MUC22: variants seen among roughly 807,000 people sequenced by gnomAD.
MUC22 encodes the protein mucin-22.
MUC22 carries 24 observed loss-of-function variants against 40.3 expected under a neutral mutation model. The ratio of observed to expected loss-of-function variants is 0.60; its 90% CI spans 0.43 to 0.84. The LOEUF is 0.84. Among genes scored for constraint, MUC22 ranks in the 40% least tolerant of loss-of-function variants. MUC22 has a pLI of 0.00. For synonymous variants in MUC22, 765 were observed against 844.5 expected, an observed-to-expected ratio of 0.91 and a Z score of 1.63; for missense variants, 1,926 against 2,130.7, an observed-to-expected ratio of 0.90 and a Z score of 1.89.
chr6:31,026,214 C>T (rs1382359593), exon 2 of MUC22: 20 of 1,520,964 alleles, frequency 1.3e-5, no homozygotes, highest in South Asian at 9.6e-5. Context: ...CTGTGGCCCC[C>T]GCTGCAGGCT....
intron 1 of MUC22, among the ~76,000 whole-genome samples, chr6:31,023,956 T>C (rs1765072866): frequency 6.6e-6 from 1 of 152,140 alleles, no homozygotes; most frequent in African/African-American, 2.4e-5. Context: ...CAAGAGAACA[T>C]CATCAATGAT....
intron 1 of MUC22, among the ~76,000 whole-genome samples, chr6:31,021,825 C>T (rs898615656): frequency 5.3e-5 from 8 of 152,158 alleles, no homozygotes; most frequent in Admixed American, 3.9e-4. Flanking sequence ...CTGCCCGAGC[C>T]AGCAGTGGCA....
At chr6:31,027,406 T>C (rs892473779) in exon 2 of MUC22, 1 of 1,532,790 alleles carries the variant, frequency 6.5e-7, no homozygotes, top group African/African-American at 1.4e-5. Flanking sequence ...CACTACAGTT[T>C]CTATCACAGA....
chr6:31,013,417 G>A (rs1369884831), intron 1 of MUC22, among the ~76,000 whole-genome samples: 5 of 150,780 alleles, frequency 3.3e-5, no homozygotes, highest in South Asian at 2.1e-4. Flanking sequence ...GTGAGCTACC[G>A]GGCCTGGCCC....
upstream of MUC22, among the ~76,000 whole-genome samples, chr6:31,008,283 A>G (rs2150734301): frequency 6.6e-6 from 1 of 152,378 alleles, no homozygotes; most frequent in South Asian, 2.1e-4. Context: ...CAATGGTAGT[A>G]CTGTGTCTCA....
intron 1 of MUC22, among the ~76,000 whole-genome samples, chr6:31,017,043 G>A (rs926172772): frequency 4.6e-5 from 7 of 152,222 alleles, no homozygotes; most frequent in Non-Finnish European, 7.3e-5. Context: ...TGAGGGGCAC[G>A]GCTTGGGACC....
At chr6:31,020,720 A>G (rs1012956898) in intron 1 of MUC22, among the ~76,000 whole-genome samples, 2 of 152,026 alleles carry the variant, frequency 1.3e-5, no homozygotes, top group Non-Finnish European at 2.9e-5. Context: ...GGAGGTGTGG[A>G]GGGAGAGGTG....
chr6:31,025,241 G>A (rs1213196616), intron 1 of MUC22, among the ~76,000 whole-genome samples: 1 of 152,130 alleles, frequency 6.6e-6, no homozygotes, highest in Admixed American at 6.6e-5. Context: ...CAGCACCACT[G>A]CTTTCTTTAA....
chr6:31,028,340 A>G (rs1435356208), exon 2 of MUC22: 1 of 1,523,494 alleles, frequency 6.6e-7, no homozygotes, highest in African/African-American at 1.4e-5. Context: ...ACTTCTACTG[A>G]AGGCTCTGAG....
chr6:31,010,439 T>A (rs924643726), upstream of MUC22: 3 of 463,538 alleles, frequency 6.5e-6, no homozygotes, highest in Non-Finnish European at 1.2e-5. Flanking sequence ...CCCTACTCAG[T>A]ATCAGCTATA....
exon 4 of MUC22, chr6:31,034,783 C>A (rs1318451002): frequency 6.5e-7 from 1 of 1,535,600 alleles, no homozygotes; most frequent in African/African-American, 1.4e-5. Context: ...ATTCCACAGC[C>A]TGGGAAATGC....
chr6:31,020,938 G>A (rs1764664256), intron 1 of MUC22, among the ~76,000 whole-genome samples: 1 of 152,202 alleles, frequency 6.6e-6, no homozygotes, highest in Non-Finnish European at 1.5e-5. Context: ...ATTTCTCACT[G>A]GGCCTTAGCT....
rs200740913 is a variant in MUC22 at position 31,023,166 on chromosome 6, T to TAA, written c.71-2325_71-2324dup. ...ACAAAAAACAAAATACTGGGTTAAT[T>TAA]AAAAAAAAAAAAGGCGAAAAATGGA... On this transcript the variant is annotated intron_variant, in intron 1 of 3. Transcript: ENST00000561890. Among the ~76,000 whole-genome samples the TAA allele has an allele frequency of 4.0e-3, 409 of 102,230 alleles. 8 individuals are homozygous for TAA. In the South Asian group the frequency reaches 0.052, roughly 13 times the overall value. The allele number at this position is 102,230 out of a possible 152,430, so 67.1% of individuals were successfully genotyped here. A position where few individuals can be genotyped will look rare whatever the true frequency, so the allele number is the denominator to read the frequency against.
At chr6:31,014,508 C>G (rs1177365531) in intron 1 of MUC22, among the ~76,000 whole-genome samples, 1 of 152,072 alleles carries the variant, frequency 6.6e-6, no homozygotes, top group Non-Finnish European at 1.5e-5. Context: ...TATCTTTTTT[C>G]TGGCTTTATT....
Position 31,032,359 on chromosome 6 carries a change from C to T in MUC22, c.4833C>T (p.Ala1611=). The T allele has an allele frequency of 1.2e-5, 19 of 1,535,708 alleles. No individual in the cohort carries two copies. The highest frequency in any genetic ancestry group is 1.6e-5 in the Non-Finnish European group (18 of 1,146,908). Residue 1611 remains alanine (A), a synonymous_variant, in exon 3 of 4, where the codon GCC becomes GCT. Transcript: ENST00000561890. The surrounding 1 kb of genome is among the most constrained non-coding windows in gnomAD (Gnocchi z 4.1). ...TGGGAGCATCATCTACCACCTCAGC[C>T]CACGGCGTCAGGACCACCACAGGAT...
intron 1 of MUC22, among the ~76,000 whole-genome samples, chr6:31,017,741 T>TG (rs1321209500): frequency 1.6e-5 from 2 of 124,354 alleles, no homozygotes; most frequent in African/African-American, 6.3e-5. Flanking sequence ...CAGCTCTCTG[T>TG]AAAACCAATC....
At chr6:31,027,387 C>T (rs1328980615) in exon 2 of MUC22, 3 of 1,533,932 alleles carry the variant, frequency 2.0e-6, no homozygotes, top group Non-Finnish European at 2.6e-6. Flanking sequence ...CCACCACAGG[C>T]TCTGAGACCA....
intron 1 of MUC22, among the ~76,000 whole-genome samples, chr6:31,020,700 C>A (rs528157436): frequency 6.6e-6 from 1 of 152,184 alleles, no homozygotes; most frequent in Admixed American, 6.5e-5. Flanking sequence ...CCGGCTCCCT[C>A]AGCTTGCAGG....
In MUC22 at chr6:31,016,260, A is replaced by G. The variant is rs547768805; in HGVS notation, c.70+5484A>G. 7.2e-5 allele frequency among the ~76,000 whole-genome samples: 11 copies of G among 151,948 alleles called. No individual in the cohort carries two copies. The South Asian group carries it at 2.1e-3, about 29-fold the overall frequency. On this transcript the variant is annotated intron_variant, in intron 1 of 3. Coordinates refer to ENST00000561890, the Ensembl canonical transcript of MUC22. Reference sequence around the variant, plus strand: ...CATAGGGATATTTGTTTTGGTCTCTATATTTCAAGCTAGAGATTTTTCTCA... The same window carrying G: ...CATAGGGATATTTGTTTTGGTCTCTGTATTTCAAGCTAGAGATTTTTCTCA...
Sources: allele counts gnomAD v4.1 joint callset (sites outside exome capture counted in the v4.1 genomes callset), GRCh38; gene constraint gnomAD v4.1.1; non-coding constraint Gnocchi (gnomAD v3.1); transcripts MANE v1.5; gene names NCBI Gene and HGNC (gene_info 2026-07-23, HGNC 2026-07-21).